SETBP1: variants seen among roughly 807,000 people sequenced by gnomAD.
SETBP1 encodes SET binding protein 1, also known as SET-binding protein.
Under a neutral mutation model 101.0 loss-of-function variants are expected in SETBP1, and 9 were observed. The observed-to-expected ratio is 0.09, with a 90% CI of 0.05 to 0.16. SETBP1 has a LOEUF of 0.16. Among genes scored for constraint, SETBP1 ranks in the 10% least tolerant of loss-of-function variants. SETBP1 has a pLI of 1.00. For synonymous variants in SETBP1, 818 were observed against 788.5 expected (o/e 1.04, Z -0.63); for missense variants, 1,858 against 2,033.8 (o/e 0.91, Z 1.66).
intron 2 of SETBP1, among the ~76,000 whole-genome samples, chr18:44,745,349 G>A (rs993591676): frequency 6.6e-6 from 1 of 152,182 alleles, no homozygotes; most frequent in South Asian, 2.1e-4. Context: ...GAGGTAGGGA[G>A]CAGGTGGAAA....
Position 44,953,252 on chromosome 18 carries a change from A to G in SETBP1, c.3912A>G (p.Glu1304=), listed in dbSNP as rs756074065. ...DVSGSKRRSY[E]GFGTYREKDI... is the part of the protein sequence containing the mutation. ...GTGGGAGTAAAAGGAGGAGCTATGA[A>G]GGCTTTGGAACGTACAGGGAAAAGG... Residue 1304 remains glutamate, a synonymous_variant, in exon 4 of 6, where the codon GAA becomes GAG. Transcript: ENST00000649279. The G allele has an allele frequency of 6.2e-7, 1 of 1,614,166 alleles. No homozygotes were observed. The highest frequency in any genetic ancestry group is 8.5e-7 in the Non-Finnish European group (1 of 1,180,032).
At chr18:44,858,210 C>T (rs981195314) in intron 2 of SETBP1, among the ~76,000 whole-genome samples, 2 of 152,226 alleles carry the variant, frequency 1.3e-5, no homozygotes, top group African/African-American at 4.8e-5. Flanking sequence ...GAAGCTGTGG[C>T]AGATTCTGCA....
chr18:44,881,807 T>C (rs963370001), intron 3 of SETBP1, among the ~76,000 whole-genome samples: 7 of 152,144 alleles, frequency 4.6e-5, no homozygotes, highest in African/African-American at 7.2e-5. Context: ...GGGATTTAAA[T>C]ATAAAGAGCA....
At chr18:44,949,663 C>T (rs756201710) in intron 3 of SETBP1, among the ~76,000 whole-genome samples, 6 of 152,234 alleles carry the variant, frequency 3.9e-5, no homozygotes, top group Non-Finnish European at 7.3e-5. Flanking sequence ...TTAAAATGTG[C>T]TTACTGATGT....
At chr18:44,984,774 C>T (rs1382193939) in intron 4 of SETBP1, among the ~76,000 whole-genome samples, 1 of 152,076 alleles carries the variant, frequency 6.6e-6, no homozygotes, top group African/African-American at 2.4e-5. Flanking sequence ...TGCTAATGTA[C>T]CTTGCAGTGA....
chr18:44,973,229 A>C (rs866836225), intron 4 of SETBP1, among the ~76,000 whole-genome samples: 1 of 152,304 alleles, frequency 6.6e-6, no homozygotes. Context: ...GATGAAGCCC[A>C]CTTGATCATG....
At chr18:44,822,283 A>C (rs1424000984) in intron 2 of SETBP1, among the ~76,000 whole-genome samples, 1 of 152,238 alleles carries the variant, frequency 6.6e-6, no homozygotes, top group East Asian at 1.9e-4. Flanking sequence ...TAAGTCCTTC[A>C]TCATCAGCAG....
At chr18:44,768,744 A>C (rs756441214) in intron 2 of SETBP1, among the ~76,000 whole-genome samples, 6 of 152,224 alleles carry the variant, frequency 3.9e-5, no homozygotes, top group Non-Finnish European at 8.8e-5. Context: ...AACCTCATAA[A>C]GTATATACGG....
chr18:44,885,649 T>C (rs773598575), intron 3 of SETBP1, among the ~76,000 whole-genome samples: 1 of 151,876 alleles, frequency 6.6e-6, no homozygotes, highest in Non-Finnish European at 1.5e-5. Context: ...GAGTTAAAAA[T>C]TGTTGAACAG....
rs1599482182 is a variant in SETBP1, at chr18:45,039,014, A to C, written c.4171+359A>C. Among the ~76,000 whole-genome samples the C allele has an allele frequency of 2.6e-5, 4 of 152,316 alleles. No homozygotes were observed. The East Asian group carries it at 7.7e-4, about 29-fold the overall frequency. ...TGTTATTTCTTGTAACTCATAAAATAAGCACTTGTATCCTCATTTTCAGAA... is the reference window on the plus strand; with the variant it reads ...TGTTATTTCTTGTAACTCATAAAATCAGCACTTGTATCCTCATTTTCAGAA... On this transcript the variant is annotated intron_variant, in intron 5 of 5. Coordinates refer to ENST00000649279, the MANE Select transcript of SETBP1 (RefSeq NM_015559.3).
intron 4 of SETBP1, among the ~76,000 whole-genome samples, chr18:45,004,568 A>G (rs1447888241): frequency 6.6e-6 from 1 of 152,202 alleles, no homozygotes; most frequent in Non-Finnish European, 1.5e-5. Context: ...TCTTCAGGTA[A>G]ATGAAAAAGA....
At chr18:45,030,561 G>T (rs1208937730) in intron 4 of SETBP1, among the ~76,000 whole-genome samples, 3 of 148,684 alleles carry the variant, frequency 2.0e-5, no homozygotes, top group Non-Finnish European at 4.4e-5. Flanking sequence ...TTTTTCTATT[G>T]ATTGGAATAG....
chr18:44,796,600 C>G (rs1177072539), intron 2 of SETBP1, among the ~76,000 whole-genome samples: 3 of 152,222 alleles, frequency 2.0e-5, no homozygotes, highest in Non-Finnish European at 4.4e-5. Flanking sequence ...TCTCACATTA[C>G]AGATGAATAG....
chr18:45,018,833 T>C (rs758655904), intron 4 of SETBP1, among the ~76,000 whole-genome samples: 1 of 152,172 alleles, frequency 6.6e-6, no homozygotes, highest in African/African-American at 2.4e-5. Context: ...TTTACGGAGC[T>C]ATGGCATAGG....
intron 4 of SETBP1, among the ~76,000 whole-genome samples, chr18:45,030,335 C>T (rs1189025988): frequency 8.0e-6 from 1 of 125,540 alleles, no homozygotes; most frequent in Non-Finnish European, 1.7e-5. Flanking sequence ...GTATATTGAA[C>T]CAGCCTTGCA....
intron 5 of SETBP1, among the ~76,000 whole-genome samples, chr18:45,055,979 C>G (rs1022939914): frequency 1.3e-5 from 2 of 152,180 alleles, no homozygotes; most frequent in African/African-American, 4.8e-5. Context: ...AAAGCAGTTA[C>G]TTTCTGGCCC....
intron 4 of SETBP1, among the ~76,000 whole-genome samples, chr18:44,995,526 C>CTT (rs1354704075): frequency 9.1e-4 from 95 of 104,086 alleles, no homozygotes; most frequent in African/African-American, 3.4e-3. Flanking sequence ...CATGTCCAGG[C>CTT]TTTTGTGTGT....
intron 2 of SETBP1, among the ~76,000 whole-genome samples, chr18:44,787,714 C>T (rs551669652): frequency 1.4e-4 from 21 of 145,504 alleles, no homozygotes; most frequent in Admixed American, 6.2e-4. Context: ...ATTAGCCGGG[C>T]GCGGTGGCGG....
At chr18:44,901,340 G>T (rs2070040410) in intron 3 of SETBP1, among the ~76,000 whole-genome samples, 5 of 152,160 alleles carry the variant, frequency 3.3e-5, no homozygotes, top group Admixed American at 3.3e-4. Flanking sequence ...AAAGTTGAAA[G>T]AAAAATAAAG....
Sources: gnomAD v4.1 joint callset for allele counts (sites outside exome capture counted in the v4.1 genomes callset) on GRCh38, gnomAD v4.1.1 for gene constraint, MANE v1.5 for transcripts, NCBI Gene and HGNC (gene_info 2026-07-23, HGNC 2026-07-21) for gene names.